UGT1A10: variants seen among roughly 807,000 people sequenced by gnomAD.
The protein encoded by UGT1A10 is UDP-glucuronosyltransferase 1A10.
Under a neutral mutation model 45.8 loss-of-function variants are expected in UGT1A10, and 49 were observed. The observed-to-expected ratio is 1.07, with a 90% CI of 0.85 to 1.36. The LOEUF is 1.36. Among genes scored for constraint, UGT1A10 ranks in the 40% most tolerant of loss-of-function variants. UGT1A10 has a pLI of 0.00. For synonymous variants in UGT1A10, 284 were observed against 249.7 expected (o/e 1.14, Z -1.29); for missense variants, 745 against 668.6 (o/e 1.11, Z -1.26).
intron 1 of UGT1A10, chr2:233,729,317 A>G: frequency 6.2e-7 from 1 of 1,614,270 alleles, no homozygotes; most frequent in Non-Finnish European, 8.5e-7. Flanking sequence ...CTCACCCCAG[A>G]GGTGAATATG....
chr2:233,642,875 TCTCTCTCTCTCA>T (rs1336980555), intron 1 of UGT1A10, among the ~76,000 whole-genome samples: 3 of 152,116 alleles, frequency 2.0e-5, no homozygotes, highest in South Asian at 4.1e-4. Context: ...ACAGAGTCTC[TCTCTCTCTCTCA>T]CTCTCTCTCT....
intron 1 of UGT1A10, among the ~76,000 whole-genome samples, chr2:233,652,012 C>A (rs1157837037): frequency 6.6e-6 from 1 of 152,152 alleles, no homozygotes; most frequent in Admixed American, 6.5e-5. Context: ...AAAGGAATCA[C>A]TGCCAGGCTT....
chr2:233,735,441 C>T (rs867526694), intron 1 of UGT1A10, among the ~76,000 whole-genome samples: 5 of 151,950 alleles, frequency 3.3e-5, no homozygotes, highest in African/African-American at 9.7e-5. Flanking sequence ...TACAGCATAC[C>T]GATGGGCCTT....
rs772286131 is a variant in UGT1A10 at position 233,713,430 on chromosome 2, G to C, written c.856-53604G>C. 2.5e-6 allele frequency: 4 copies of C among 1,614,138 alleles called. No homozygotes were observed. The South Asian group carries it at 4.4e-5, about 18-fold the overall frequency. ...CAGGCACCTGCATGCTACTTCCTTT[G>C]ATGTGGTTCTAACAGACCCCTTTCA... On this transcript the variant is annotated intron_variant, in intron 1 of 4. Transcript: ENST00000344644.
rs966226229 is a variant in UGT1A10, at chr2:233,692,946, C to T, written c.855+55569C>T. 3.1e-6 allele frequency: 5 copies of T among 1,599,154 alleles called. No homozygotes were observed. In the African/African-American group the frequency reaches 5.4e-5, roughly 17 times the overall value. On this transcript the variant is annotated intron_variant, in intron 1 of 4. Transcript: ENST00000344644. ...TTAGTTTAGGGAAAATACCTAGGAG[C>T]CCTGTGATTTGGAGAGTGAAAACTC...
At chr2:233,747,868 C>T (rs1693797482) in intron 1 of UGT1A10, 2 of 1,613,534 alleles carry the variant, frequency 1.2e-6, no homozygotes, top group Non-Finnish European at 1.7e-6. Flanking sequence ...TACCCTCTGG[C>T]CCTGTCCTAC....
intron 1 of UGT1A10, among the ~76,000 whole-genome samples, chr2:233,677,048 T>C (rs1433815859): frequency 6.6e-6 from 1 of 152,170 alleles, no homozygotes; most frequent in Non-Finnish European, 1.5e-5. Flanking sequence ...CATTACCATA[T>C]GCATTTTAAA....
chr2:233,737,721 C>CT (rs1222184655), intron 1 of UGT1A10, among the ~76,000 whole-genome samples: 6 of 151,320 alleles, frequency 4.0e-5, no homozygotes, highest in Non-Finnish European at 7.4e-5. Context: ...CCAACACCTC[C>CT]TTTTTTTTTC....
At chr2:233,674,327 A>G (rs2125505511) in intron 1 of UGT1A10, among the ~76,000 whole-genome samples, 1 of 152,310 alleles carries the variant, frequency 6.6e-6, no homozygotes, top group African/African-American at 2.4e-5. Flanking sequence ...AGGCTAGGAG[A>G]TGCAAATGGC....
At chr2:233,662,679 C>A (rs2074000022) in intron 1 of UGT1A10, among the ~76,000 whole-genome samples, 1 of 152,068 alleles carries the variant, frequency 6.6e-6, no homozygotes, top group African/African-American at 2.4e-5. Context: ...AGTAATTAGC[C>A]CCCATTCTTG....
chr2:233,680,011 TTCTC>T (rs892879074), intron 1 of UGT1A10, among the ~76,000 whole-genome samples: 7 of 152,052 alleles, frequency 4.6e-5, no homozygotes, highest in Admixed American at 3.9e-4. Context: ...TTTTCTTTCT[TTCTC>T]TCTCTCTCTT....
At chr2:233,719,289 T>A in intron 1 of UGT1A10, 1 of 1,614,098 alleles carries the variant, frequency 6.2e-7, no homozygotes, top group African/African-American at 1.3e-5. Flanking sequence ...CGTTAACCTC[T>A]GTGGGGCGGT....
intron 1 of UGT1A10, among the ~76,000 whole-genome samples, chr2:233,749,367 C>G (rs893134182): frequency 6.6e-6 from 1 of 151,762 alleles, no homozygotes; most frequent in Non-Finnish European, 1.5e-5. Flanking sequence ...GACTCTTGCC[C>G]TTTTCTTCCA....
Position 233,738,328 on chromosome 2 carries a change from T to C in UGT1A10, c.856-28706T>C, listed in dbSNP as rs1690764022. 1.3e-5 allele frequency among the ~76,000 whole-genome samples: 2 copies of C among 152,220 alleles called. 1 individual carries two copies. Among genetic ancestry groups the C allele is most frequent in the South Asian group, 4.1e-4 (2 of 4,828 alleles). On this transcript the variant is annotated intron_variant, in intron 1 of 4. Coordinates refer to ENST00000344644, the MANE Select transcript of UGT1A10 (RefSeq NM_019075.4). ...TTATAGCAGTGTGTGAATGGACTAA[T>C]ACAGTAAATTGGTGTCATGGAGAGT...
intron 1 of UGT1A10, among the ~76,000 whole-genome samples, chr2:233,709,281 C>T (rs2125615008): frequency 6.6e-6 from 1 of 152,106 alleles, no homozygotes; most frequent in East Asian, 1.9e-4. Flanking sequence ...GTGAATTACC[C>T]TTCAATTAAT....
intron 1 of UGT1A10, among the ~76,000 whole-genome samples, chr2:233,735,380 C>T (rs2078647090): frequency 1.3e-5 from 2 of 152,070 alleles, no homozygotes; most frequent in Middle Eastern, 3.2e-3. Context: ...TTCCTCCATC[C>T]CTTTATTTTG....
At chr2:233,759,555 T>TC (rs1410199038) in intron 1 of UGT1A10, among the ~76,000 whole-genome samples, 12 of 152,242 alleles carry the variant, frequency 7.9e-5, no homozygotes, top group Middle Eastern at 6.8e-3. Context: ...CCAGTGAATT[T>TC]CCCTTTCTGG....
At chr2:233,644,403 A>G (rs1353304482) in intron 1 of UGT1A10, among the ~76,000 whole-genome samples, 1 of 152,074 alleles carries the variant, frequency 6.6e-6, no homozygotes, top group Non-Finnish European at 1.5e-5. Context: ...CCCAATCTGT[A>G]CTGAAAATAC....
At chr2:233,716,222 T>A (rs1452528556) in intron 1 of UGT1A10, among the ~76,000 whole-genome samples, 4 of 152,232 alleles carry the variant, frequency 2.6e-5, no homozygotes, top group African/African-American at 7.2e-5. Context: ...CAAGAGCCCT[T>A]GTGATTACAT....
Sources: allele counts gnomAD v4.1 joint callset (sites outside exome capture counted in the v4.1 genomes callset), GRCh38; gene constraint gnomAD v4.1.1; transcripts MANE v1.5; gene names NCBI Gene and HGNC (gene_info 2026-07-23, HGNC 2026-07-21).